Variants in NDST3 observed in about 807,000 individuals in gnomAD.
NDST3 encodes the protein N-deacetylase and N-sulfotransferase 3.
A neutral mutation model predicts 96.1 loss-of-function variants in NDST3; 58 were observed. The ratio of observed to expected loss-of-function variants is 0.60; its 90% CI spans 0.49 to 0.75. The LOEUF (loss-of-function observed/expected upper bound fraction) is 0.75. NDST3 is among the 30% of genes least tolerant of loss of function. NDST3 has a pLI of 0.00. For missense variants in NDST3, 788 were observed against 1,034.2 expected (o/e 0.76, Z 3.27); for synonymous variants, 333 against 359.7 (o/e 0.93, Z 0.84).
At chr4:118,223,542 G>C (rs868534185) in intron 6 of NDST3, among the ~76,000 whole-genome samples, 1 of 151,942 alleles carries the variant, frequency 6.6e-6, no homozygotes, top group Non-Finnish European at 1.5e-5. Flanking sequence ...AAGCCTGCAG[G>C]ATTTGTTCCA....
intron 3 of NDST3, among the ~76,000 whole-genome samples, chr4:118,106,281 A>AT (rs1183496116): frequency 3.9e-5 from 6 of 151,940 alleles, no homozygotes; most frequent in Non-Finnish European, 8.8e-5. Context: ...TCAATTTATC[A>AT]TTTTTTTCTT....
chr4:118,034,312 T>C (rs1252050753), upstream of NDST3: 2 of 152,216 alleles, frequency 1.3e-5, no homozygotes, highest in Non-Finnish European at 2.9e-5. Context: ...TCAGCTTAGT[T>C]AGCATCTGTC....
chr4:118,077,341 C>T (rs1467255224), intron 2 of NDST3, among the ~76,000 whole-genome samples: 3 of 152,190 alleles, frequency 2.0e-5, no homozygotes, highest in Non-Finnish European at 4.4e-5. Context: ...CCTCTGCCTT[C>T]GTTTTCACAG....
chr4:118,192,904 C>T (rs1169408672), intron 6 of NDST3, among the ~76,000 whole-genome samples: 1 of 152,026 alleles, frequency 6.6e-6, no homozygotes, highest in East Asian at 1.9e-4. Context: ...CAGGAGACAG[C>T]ATCAGCCATG....
chr4:118,115,128 G>A (rs1222326487), intron 4 of NDST3, among the ~76,000 whole-genome samples, 168 bp downstream of exon 4: 2 of 152,076 alleles, frequency 1.3e-5, no homozygotes, highest in African/African-American at 4.8e-5. Context: ...TGTATTGAGT[G>A]CTCACCACTA....
At chr4:118,117,838 G>A (rs1205236291) in intron 4 of NDST3, among the ~76,000 whole-genome samples, 4 of 152,182 alleles carry the variant, frequency 2.6e-5, no homozygotes, top group East Asian at 1.9e-4. Flanking sequence ...ATTCACAGGT[G>A]TGAATCAAGA....
intron 2 of NDST3, among the ~76,000 whole-genome samples, chr4:118,059,649 G>C: frequency 2.0e-5 from 1 of 49,134 alleles, no homozygotes; most frequent in East Asian, 5.6e-4. Flanking sequence ...CACCACCCCA[G>C]CTAAGGGAAG....
At chr4:118,208,167 A>G (rs533043907) in intron 6 of NDST3, among the ~76,000 whole-genome samples, 9 of 144,428 alleles carry the variant, frequency 6.2e-5, no homozygotes, top group African/African-American at 2.3e-4. Context: ...ATAATACACC[A>G]AATGTGAATC....
At chr4:118,071,513 T>G (rs923015772) in intron 2 of NDST3, among the ~76,000 whole-genome samples, 7 of 152,300 alleles carry the variant, frequency 4.6e-5, no homozygotes, top group African/African-American at 1.7e-4. Flanking sequence ...ACATGCAGTA[T>G]TTGGCTTTCT....
intron 2 of NDST3, among the ~76,000 whole-genome samples, chr4:118,103,940 A>C (rs1356356793): frequency 6.6e-6 from 1 of 152,208 alleles, no homozygotes; most frequent in Non-Finnish European, 1.5e-5. Context: ...TTTTAAAATC[A>C]GGAAGAATCT....
intron 8 of NDST3, among the ~76,000 whole-genome samples, chr4:118,227,503 TTGTG>T (rs1739966966): frequency 1.3e-5 from 2 of 152,260 alleles, no homozygotes; most frequent in South Asian, 4.1e-4. Context: ...ACACAAAACT[TTGTG>T]CTAAGAAAGG....
At chr4:118,075,428 G>A (rs1229619824) in intron 2 of NDST3, among the ~76,000 whole-genome samples, 1 of 152,144 alleles carries the variant, frequency 6.6e-6, no homozygotes, top group Non-Finnish European at 1.5e-5. Context: ...TGGGATGGCT[G>A]GGTCAAATGA....
At chr4:118,065,192 C>T (rs1726209149) in intron 2 of NDST3, among the ~76,000 whole-genome samples, 2 of 152,090 alleles carry the variant, frequency 1.3e-5, no homozygotes, top group African/African-American at 4.8e-5. Flanking sequence ...AAGCTATGCT[C>T]TTCAGGTAAT....
chr4:118,079,084 T>C (rs927769545), intron 2 of NDST3, among the ~76,000 whole-genome samples: 1 of 152,240 alleles, frequency 6.6e-6, no homozygotes, highest in Non-Finnish European at 1.5e-5. Context: ...TAGACCATTT[T>C]TGGCCATTCA....
chr4:118,107,817 T>C lies in NDST3; in HGVS notation c.1069+2712T>C, dbSNP rs550259242. On this transcript the variant is annotated intron_variant, in intron 3 of 13. Coordinates refer to ENST00000296499, the MANE Select transcript of NDST3 (RefSeq NM_004784.3). The stretch of plus-strand genomic sequence containing the variant: ...ATTAAGTATTTTTTATATAAAGGGC[T>C]ATTAATACAAGTATAGGATATCTGT... Among the ~76,000 whole-genome samples the C allele has an allele frequency of 1.7e-4, 26 of 152,338 alleles. No homozygotes were observed. In the East Asian group the frequency reaches 5.0e-3, roughly 29 times the overall value.
At chr4:118,106,787 T>A (rs965791366) in intron 3 of NDST3, among the ~76,000 whole-genome samples, 1 of 151,728 alleles carries the variant, frequency 6.6e-6, no homozygotes, top group Non-Finnish European at 1.5e-5. Context: ...CAAGAATCTG[T>A]CTCTTAAAAA....
intron 2 of NDST3, among the ~76,000 whole-genome samples, chr4:118,066,598 T>A (rs1161197864): frequency 4.3e-5 from 3 of 70,480 alleles, no homozygotes; most frequent in African/African-American, 1.7e-4. Context: ...TGTTATATAT[T>A]ATATATACAT....
At chr4:118,194,372 G>A (rs944325523) in intron 6 of NDST3, 11 of 728,440 alleles carry the variant, frequency 1.5e-5, no homozygotes, top group African/African-American at 8.6e-5. Flanking sequence ...CCTCAAACAC[G>A]AGTGTGGCAT....
intron 6 of NDST3, among the ~76,000 whole-genome samples, chr4:118,223,898 G>A (rs1217146823): frequency 6.6e-6 from 1 of 152,054 alleles, no homozygotes; most frequent in Non-Finnish European, 1.5e-5. Flanking sequence ...ACACTAACCA[G>A]CAAAAATTAT....
Sources: gnomAD v4.1 joint callset for allele counts (sites outside exome capture counted in the v4.1 genomes callset) on GRCh38, gnomAD v4.1.1 for gene constraint, MANE v1.5 for transcripts, NCBI Gene and HGNC (gene_info 2026-07-23, HGNC 2026-07-21) for gene names.